Variants in FGGY observed in about 807,000 individuals in gnomAD.
The protein encoded by FGGY is FGGY carbohydrate kinase domain-containing protein.
A neutral mutation model predicts 71.3 loss-of-function variants in FGGY; 72 were observed. The ratio of observed to expected loss-of-function variants is 1.01; its 90% CI spans 0.84 to 1.23. The LOEUF (loss-of-function observed/expected upper bound fraction) is 1.23. FGGY is among the 50% of genes most tolerant of loss of function. The probability of loss-of-function intolerance (pLI) is 0.00; values close to 1 mark genes in which losing one functional copy is unlikely to be tolerated. For synonymous variants in FGGY, 251 were observed against 250.3 expected, an observed-to-expected ratio of 1.00 and a Z score of -0.02; for missense variants, 668 against 682.3, an observed-to-expected ratio of 0.98 and a Z score of 0.23.
At chr1:59,710,551 GA>G (rs1345143078) in intron 14 of FGGY, among the ~76,000 whole-genome samples, 2 of 152,112 alleles carry the variant, frequency 1.3e-5, no homozygotes, top group Non-Finnish European at 2.9e-5. Context: ...CTATCCATCT[GA>G]AAAATGGCTA....
chr1:59,468,979 T>C (rs1430998825), intron 6 of FGGY, among the ~76,000 whole-genome samples: 1 of 151,794 alleles, frequency 6.6e-6, no homozygotes, highest in Non-Finnish European at 1.5e-5. Context: ...AAGGGTGCAG[T>C]ATTGGCTTTG....
At chr1:59,373,461 C>A (rs1374975142) in intron 4 of FGGY, among the ~76,000 whole-genome samples, 3 of 152,026 alleles carry the variant, frequency 2.0e-5, no homozygotes, top group African/African-American at 7.2e-5. Flanking sequence ...GAATCAATAT[C>A]GTGAAAATGG....
chr1:59,451,640 G>T (rs989803605), intron 5 of FGGY, among the ~76,000 whole-genome samples: 1 of 152,042 alleles, frequency 6.6e-6, no homozygotes, highest in African/African-American at 2.4e-5. Context: ...TGAGAAAGCT[G>T]CTCTGAATCA....
At chr1:59,404,668 T>A (rs1484804408) in intron 5 of FGGY, among the ~76,000 whole-genome samples, 2 of 152,180 alleles carry the variant, frequency 1.3e-5, no homozygotes, top group African/African-American at 4.8e-5. Context: ...CAAGGGATGT[T>A]GGAGGGCTAA....
intron 5 of FGGY, among the ~76,000 whole-genome samples, chr1:59,411,356 A>G (rs1309923423): frequency 6.6e-6 from 1 of 152,264 alleles, no homozygotes; most frequent in Non-Finnish European, 1.5e-5. Context: ...ATGCCGATTT[A>G]TCGTATCACA....
At chr1:59,518,443 C>T (rs1039323011) in intron 7 of FGGY, among the ~76,000 whole-genome samples, 7 of 152,180 alleles carry the variant, frequency 4.6e-5, no homozygotes, top group African/African-American at 9.7e-5. Flanking sequence ...TAGTCCATTG[C>T]GTTTGTAAAC....
chr1:59,424,260 A>C (rs2065946568), intron 5 of FGGY, among the ~76,000 whole-genome samples: 1 of 152,260 alleles, frequency 6.6e-6, no homozygotes, highest in South Asian at 2.1e-4. Flanking sequence ...ATACATGTGA[A>C]GAATGAGGCC....
chr1:59,590,999 G>C (rs542703318), intron 8 of FGGY, among the ~76,000 whole-genome samples: 17 of 152,278 alleles, frequency 1.1e-4, no homozygotes, highest in African/African-American at 4.1e-4. Context: ...AAGTCAAATT[G>C]TCCCTGTTTG....
chr1:59,334,272 A>G (rs2049043510), intron 2 of FGGY, among the ~76,000 whole-genome samples: 1 of 151,908 alleles, frequency 6.6e-6, no homozygotes, highest in Non-Finnish European at 1.5e-5. Flanking sequence ...CCTCCCTAGT[A>G]TTTGGGACTA....
chr1:59,353,112 C>T (rs538668854), intron 4 of FGGY, among the ~76,000 whole-genome samples: 84 of 152,142 alleles, frequency 5.5e-4, no homozygotes, highest in Non-Finnish European at 7.6e-4. Flanking sequence ...GTACCACTTA[C>T]CAATTGTGGG....
intron 8 of FGGY, among the ~76,000 whole-genome samples, chr1:59,581,725 G>A (rs2096198219): frequency 6.7e-6 from 1 of 149,878 alleles, no homozygotes; most frequent in Admixed American, 6.6e-5. Context: ...AATCTTTATA[G>A]TGACCCTAAA....
chr1:59,378,389 C>T lies in FGGY; in HGVS notation c.466-360C>T, dbSNP rs565545039. Among the ~76,000 whole-genome samples, 5 of 151,708 alleles carry T rather than the reference C, an allele frequency of 3.3e-5. No individual in the cohort carries two copies. In the South Asian group the frequency reaches 1.0e-3, roughly 32 times the overall value. ...TGGTCTGCTGCCACGATTGTGAGGC[C>T]TCCCCAGCCACGCGAAACTGTGAGT... On this transcript the variant is annotated intron_variant, in intron 4 of 15. Coordinates refer to ENST00000303721, the MANE Select transcript of FGGY (RefSeq NM_018291.5).
chr1:59,554,075 C>CT, intron 7 of FGGY, 49 bp from the exon 8 acceptor site: 2 of 1,416,750 alleles, frequency 1.4e-6, no homozygotes, highest in Non-Finnish European at 2.0e-6. Flanking sequence ...TTCTCTCCCT[C>CT]TTTTTTTATG....
At chr1:59,511,149 C>G (rs535001158) in intron 6 of FGGY, among the ~76,000 whole-genome samples, 2 of 152,074 alleles carry the variant, frequency 1.3e-5, no homozygotes, top group Non-Finnish European at 2.9e-5. Context: ...GATAGAAGCT[C>G]TTAAAATGGA....
intron 15 of FGGY, 113 bp from the exon 16 acceptor site, chr1:59,762,390 T>A (rs2098350367): frequency 1.4e-6 from 1 of 728,360 alleles, no homozygotes; most frequent in African/African-American, 1.8e-5. Flanking sequence ...GCATTCAGAA[T>A]CTAGGTGTCA....
chr1:59,301,934 T>C (rs1406109624), intron 1 of FGGY, among the ~76,000 whole-genome samples: 1 of 150,882 alleles, frequency 6.6e-6, no homozygotes, highest in Non-Finnish European at 1.5e-5. Context: ...ATGGGGTTTC[T>C]CCATGTTGGT....
intron 9 of FGGY, among the ~76,000 whole-genome samples, chr1:59,616,305 A>G (rs1475406262): frequency 6.6e-6 from 1 of 152,262 alleles, no homozygotes; most frequent in African/African-American, 2.4e-5. Context: ...CTATGCAGCC[A>G]TAAAAATGAG....
chr1:59,741,709 G>A (rs900040209), intron 14 of FGGY, among the ~76,000 whole-genome samples: 1 of 152,054 alleles, frequency 6.6e-6, no homozygotes, highest in Admixed American at 6.6e-5. Flanking sequence ...GGCCGAGGCA[G>A]GTGGATCACA....
At chr1:59,342,050 A>G (rs34832468) in intron 3 of FGGY, among the ~76,000 whole-genome samples, 45,633 of 152,008 alleles carry the variant, frequency 0.3, 7,340 homozygotes, top group East Asian at 0.42. Flanking sequence ...TTTTGGGTGG[A>G]ACTTTAGATA....
Sources: gnomAD v4.1 joint callset for allele counts (sites outside exome capture counted in the v4.1 genomes callset) on GRCh38, gnomAD v4.1.1 for gene constraint, MANE v1.5 for transcripts, NCBI Gene and HGNC (gene_info 2026-07-23, HGNC 2026-07-21) for gene names.